LRRC59: variants seen among roughly 807,000 people sequenced by gnomAD.
The protein encoded by LRRC59 is leucine-rich repeat-containing protein 59.
Under a neutral mutation model 33.5 loss-of-function variants are expected in LRRC59, and 18 were observed. That is an observed-to-expected ratio of 0.54 (90% CI 0.37 to 0.80). LRRC59 has a LOEUF of 0.80. Among genes scored for constraint, LRRC59 ranks in the 30% least tolerant of loss-of-function variants. The pLI, the probability that LRRC59 is intolerant of heterozygous loss-of-function variation, is 0.00. For missense variants in LRRC59, 330 were observed against 391.9 expected (o/e 0.84, Z 1.33); for synonymous variants, 138 against 160.0 (o/e 0.86, Z 1.04).
chr17:50,383,345 C>G (rs1447321072), intron 6 of LRRC59, 110 bp from the exon 7 acceptor site: 24 of 1,335,964 alleles, frequency 1.8e-5, no homozygotes, highest in Non-Finnish European at 2.3e-5. Flanking sequence ...CTTCCTCAAG[C>G]AAAAACTCCC....
chr17:50,397,319 G>A lies in LRRC59; in HGVS notation c.-2C>T, dbSNP rs779281102. The A allele has an allele frequency of 1.2e-6, 2 of 1,604,106 alleles. No individual in the cohort carries two copies. Among genetic ancestry groups the A allele is most frequent in the South Asian group, 1.1e-5 (1 of 89,728 alleles). ...GCCCTTGCTACCGGCCTTGGTCATG[G>A]TAACGCCGGCTGAGCGGGCCCCGGC... On this transcript the variant is annotated 5_prime_UTR_variant, in exon 1 of 7. Coordinates refer to ENST00000225972, the MANE Select transcript of LRRC59 (RefSeq NM_018509.4).
At chr17:50,385,011 A>G in intron 6 of LRRC59, 107 bp downstream of exon 6, 1 of 1,273,736 alleles carries the variant, frequency 7.9e-7, no homozygotes, top group South Asian at 1.4e-5. Context: ...TTTAGAGTGT[A>G]CTTTATCTAA....
rs1006928719 is a variant in LRRC59 at position 50,385,019 on chromosome 17, T to C, written c.676+99A>G. ...CCCAAGCTTTAGAGTGTACTTTATC[T>C]AAGGTTTGCAGGCCTGCTCACCCCA... On this transcript the variant is annotated intron_variant, in intron 6 of 6. Coordinates refer to ENST00000225972, the MANE Select transcript of LRRC59 (RefSeq NM_018509.4). 2.9e-5 allele frequency: 40 copies of C among 1,356,854 alleles called. No individual in the cohort carries two copies. The East Asian group carries it at 9.0e-4, about 31-fold the overall frequency. 84.1% of individuals were successfully genotyped at this position (1,356,854 alleles called of 1,614,324 possible). A position where few individuals can be genotyped will look rare whatever the true frequency, so the allele number is the denominator to read the frequency against.
chr17:50,385,905 A>C (rs1913989850), intron 5 of LRRC59, among the ~76,000 whole-genome samples: 1 of 152,018 alleles, frequency 6.6e-6, no homozygotes, highest in East Asian at 1.9e-4. Context: ...AAAAACGAAA[A>C]AATTAGCTGG....
chr17:50,395,367 A>AAC (rs1287758239), intron 1 of LRRC59, among the ~76,000 whole-genome samples: 1 of 151,646 alleles, frequency 6.6e-6, no homozygotes, highest in Non-Finnish European at 1.5e-5. Flanking sequence ...AAAAAAAAAA[A>AAC]AAAAGAAAGG....
In LRRC59 at chr17:50,388,722, TCA is replaced by T. The variant is rs375897856; in HGVS notation, c.430-592_430-591del. 3.2e-3 allele frequency among the ~76,000 whole-genome samples: 490 copies of T among 152,280 alleles called. 8 individuals carry two copies. The highest frequency in any genetic ancestry group is 0.026 in the Admixed American group (391 of 15,306). On this transcript the variant is annotated intron_variant, in intron 4 of 6. Transcript: ENST00000225972. ...CTGTAAAAAGTTCTGCCATTTACAC[TCA>T]CTGTCACATGCATGATTCCATATGA...
chr17:50,394,396 T>A (rs1914221253), intron 2 of LRRC59, among the ~76,000 whole-genome samples: 1 of 152,098 alleles, frequency 6.6e-6, no homozygotes, highest in African/African-American at 2.4e-5. Flanking sequence ...TAAAAAGGAT[T>A]TGATCATGGA....
At chr17:50,386,605 T>C (rs1364958086) in intron 5 of LRRC59, among the ~76,000 whole-genome samples, 1 of 152,066 alleles carries the variant, frequency 6.6e-6, no homozygotes, top group Non-Finnish European at 1.5e-5. Flanking sequence ...AAGAACACAC[T>C]CCACCCAGCC....
At chr17:50,396,166 C>T (rs1248055834) in intron 1 of LRRC59, 1 of 152,166 alleles carries the variant, frequency 6.6e-6, no homozygotes, top group Non-Finnish European at 1.5e-5. Context: ...GTTTGACCAC[C>T]TAAAAAAGTT....
intron 1 of LRRC59, chr17:50,396,070 T>C (rs888605131): frequency 5.3e-5 from 8 of 152,238 alleles, no homozygotes; most frequent in African/African-American, 1.9e-4. Context: ...TGGCCATCTA[T>C]CTTCCTGGGG....
In LRRC59 at chr17:50,387,957, T is replaced by C. The variant is rs1053370965; in HGVS notation, c.502+103A>G. Reference sequence around the variant, plus strand: ...TACTGTCCCCCCACCGCCCACTAACTGTTCTTCATGACTACTCTACTGGAT... The same window carrying C: ...TACTGTCCCCCCACCGCCCACTAACCGTTCTTCATGACTACTCTACTGGAT... On this transcript the variant is annotated intron_variant, in intron 5 of 6. Transcript: ENST00000225972. The C allele has an allele frequency of 7.1e-6, 8 of 1,128,956 alleles. No individual in the cohort carries two copies. In the African/African-American group the frequency reaches 1.2e-4, roughly 17 times the overall value. 69.9% of individuals were successfully genotyped at this position (1,128,956 alleles called of 1,614,324 possible). A position where few individuals can be genotyped will look rare whatever the true frequency, so the allele number is the denominator to read the frequency against.
rs145265135 is a variant in LRRC59, at chr17:50,382,098, T to TG, written c.*889_*890insC. The TG allele has an allele frequency of 0.073, 11,156 of 152,670 alleles. 1,119 individuals are homozygous for TG. Among genetic ancestry groups the TG allele is most frequent in the African/African-American group, 0.22 (9,237 of 41,478 alleles). The allele number at this position is 152,670 out of a possible 1,614,324, so 9.5% of individuals were successfully genotyped here. A position where few individuals can be genotyped will look rare whatever the true frequency, so the allele number is the denominator to read the frequency against. On this transcript the variant is annotated 3_prime_UTR_variant, in exon 7 of 7. Coordinates refer to ENST00000225972, the MANE Select transcript of LRRC59 (RefSeq NM_018509.4). ...AATTAGGGAGTTAATGCTCTAAAAT[T>TG]AGGCAAGGAGCCTGGACTGTTGCCA...
chr17:50,385,427 AC>A (rs1205284631), intron 5 of LRRC59, 136 bp from the exon 6 acceptor site: 1 of 970,744 alleles, frequency 1.0e-6, no homozygotes, highest in Non-Finnish European at 1.5e-6. Flanking sequence ...TTCAAAGGAA[AC>A]AGCCATCCTT....
Position 50,381,994 on chromosome 17 carries a change from G to T in LRRC59, c.*994C>A, listed in dbSNP as rs1296437057. On this transcript the variant is annotated 3_prime_UTR_variant, in exon 7 of 7. Coordinates refer to ENST00000225972, the MANE Select transcript of LRRC59 (RefSeq NM_018509.4). Reference sequence around the variant, plus strand: ...CCTGCAGAAGCAGGTTGCCTTTGAGGTATTTAGTCACACCAAGTACAACTA... The same window carrying T: ...CCTGCAGAAGCAGGTTGCCTTTGAGTTATTTAGTCACACCAAGTACAACTA... 2.0e-5 allele frequency: 3 copies of T among 152,752 alleles called. No individual in the cohort carries two copies. Among genetic ancestry groups the T allele is most frequent in the African/African-American group, 4.8e-5 (2 of 41,560 alleles). The allele number at this position is 152,752 out of a possible 1,614,324, so 9.5% of individuals were successfully genotyped here.
rs185928403 is a variant in LRRC59, at chr17:50,382,057, C to T, written c.*931G>A. ...ACAGTGTAGGTTTGCAGAGATCCACCTCCTTGCTTACTGGCAATTAGGGAG... is the reference window on the plus strand; with the variant it reads ...ACAGTGTAGGTTTGCAGAGATCCACTTCCTTGCTTACTGGCAATTAGGGAG... On this transcript the variant is annotated 3_prime_UTR_variant, in exon 7 of 7. Coordinates refer to ENST00000225972, the MANE Select transcript of LRRC59 (RefSeq NM_018509.4). 2.0e-5 allele frequency: 3 copies of T among 152,706 alleles called. No individual in the cohort carries two copies. The highest frequency in any genetic ancestry group is 7.2e-5 in the African/African-American group (3 of 41,526). The allele number at this position is 152,706 out of a possible 1,614,324, so 9.5% of individuals were successfully genotyped here.
At chr17:50,384,991 AC>A (rs2143354589) in intron 6 of LRRC59, 126 bp downstream of exon 6, 1 of 1,108,084 alleles carries the variant, frequency 9.0e-7, no homozygotes, top group African/African-American at 1.6e-5. Flanking sequence ...CTTCTCATCC[AC>A]TCCCAAGCTT....
At position 50,392,765 on chromosome 17, in the gene LRRC59, A is replaced by G. The variant is rs1427757899; in HGVS notation, c.298T>C (p.Leu100=). 13 of 1,614,190 alleles carry G rather than the reference A, an allele frequency of 8.1e-6. No individual in the cohort carries two copies. Among genetic ancestry groups the G allele is most frequent in the Non-Finnish European group, 1.1e-5 (13 of 1,180,012 alleles). Residue 100 remains leucine, a synonymous_variant, in exon 3 of 7, where the codon TTG becomes CTG. Coordinates refer to ENST00000225972, the MANE Select transcript of LRRC59 (RefSeq NM_018509.4). ...TTGAGCTGAGCAAAGCTGACAGGCA[A>G]GGTGACCAGCTTGTTGTTGAGGAGA... ...LDLLNNKLVT[L]PVSFAQLKNL...
chr17:50,381,732 T>G lies in LRRC59; in HGVS notation c.*1256A>C, dbSNP rs1285702991. On this transcript the variant is annotated 3_prime_UTR_variant, in exon 7 of 7. Coordinates refer to ENST00000225972, the MANE Select transcript of LRRC59 (RefSeq NM_018509.4). ...CCATGACACAGTCATTTCTGATCCC[T>G]CTATCCAGCTGTTGTGAAAAGATGA... 1 of 152,662 alleles carries G rather than the reference T, an allele frequency of 6.6e-6. No homozygotes were observed. Among genetic ancestry groups the G allele is most frequent in the Non-Finnish European group, 1.5e-5 (1 of 68,046 alleles). 9.5% of individuals were successfully genotyped at this position (152,662 alleles called of 1,614,324 possible).
rs200977500 is a variant in LRRC59, at chr17:50,388,111, C to A, written c.451G>T (p.Val151Leu). The A allele has an allele frequency of 6.2e-7, 1 of 1,614,094 alleles. No homozygotes were observed. Among genetic ancestry groups the A allele is most frequent in the African/African-American group, 1.3e-5 (1 of 74,934 alleles). Residue 151 changes from valine (V) to leucine (L), a missense_variant, in exon 5 of 7, where the codon GTG (valine) becomes TTG (leucine). By Grantham distance (32) the Val-to-Leu change is conservative. Transcript: ENST00000225972. ...CTCTCCCGCTCCTGATCTGCCTGCACGGCCTTCATGTGCTGTAACACCTGC... is the reference window on the plus strand; with the variant it reads ...CTCTCCCGCTCCTGATCTGCCTGCAAGGCCTTCATGTGCTGTAACACCTGC... ...ANKVLQHMKA[V>L]QADQERERQR...
Sources: allele counts gnomAD v4.1 joint callset (sites outside exome capture counted in the v4.1 genomes callset), GRCh38; gene constraint gnomAD v4.1.1; transcripts MANE v1.5; gene names NCBI Gene and HGNC (gene_info 2026-07-23, HGNC 2026-07-21).